The following EYS variants were observed in gnomAD, a reference collection of about 807,000 sequenced individuals.
EYS encodes the protein EGF-like photoreceptor maintenance factor.
In EYS, 250 loss-of-function variants were observed where a neutral mutation model predicts 282.1. The observed-to-expected ratio is 0.89, with a 90% confidence interval of 0.80 to 0.98. The LOEUF (loss-of-function observed/expected upper bound fraction) is 0.98, where lower values mean the gene tolerates loss of function less well. Ranked by LOEUF, EYS falls within the 50% of genes least tolerant of loss-of-function variation. The probability of loss-of-function intolerance (pLI) is 0.00; values close to 1 mark genes in which losing one functional copy is unlikely to be tolerated. For synonymous variants in EYS, 1,355 were observed against 1,282.9 expected, an observed-to-expected ratio of 1.06 and a Z score of -1.20; for missense variants, 4,016 against 3,709.0, an observed-to-expected ratio of 1.08 and a Z score of -2.15.
At chr6:64,151,649 C>T (rs929876757) in intron 31 of EYS, among the ~76,000 whole-genome samples, 6 of 151,762 alleles carry the variant, frequency 4.0e-5, no homozygotes, top group African/African-American at 9.7e-5. Flanking sequence ...CATGAGCCAC[C>T]GCGCCCTGCC....
chr6:63,833,049 T>C (rs935179428), intron 36 of EYS, among the ~76,000 whole-genome samples: 3 of 152,106 alleles, frequency 2.0e-5, no homozygotes, highest in Non-Finnish European at 2.9e-5. Flanking sequence ...ATAAACTAGG[T>C]ATTGATGGGA....
intron 2 of EYS, among the ~76,000 whole-genome samples, chr6:65,615,559 C>G (rs1298674236): frequency 3.3e-5 from 5 of 151,714 alleles, no homozygotes; most frequent in Non-Finnish European, 7.4e-5. Flanking sequence ...TTTCTTGAGA[C>G]CAGATATATA....
intron 35 of EYS, among the ~76,000 whole-genome samples, chr6:63,931,306 TCAC>T (rs1764886640): frequency 1.3e-5 from 1 of 74,826 alleles, no homozygotes; most frequent in East Asian, 3.7e-4. Context: ...TTTCTGTTAC[TCAC>T]TCACTCACTC....
At chr6:64,127,038 T>C (rs1465807675) in intron 31 of EYS, among the ~76,000 whole-genome samples, 1 of 152,190 alleles carries the variant, frequency 6.6e-6, no homozygotes, top group Non-Finnish European at 1.5e-5. Flanking sequence ...TCTGGAAGTA[T>C]TCTTAAATAA....
chr6:63,928,771 C>T (rs1257166011), intron 35 of EYS, among the ~76,000 whole-genome samples: 1 of 152,104 alleles, frequency 6.6e-6, no homozygotes, highest in East Asian at 1.9e-4. Context: ...CATTAGTACA[C>T]TCAGCTTAAT....
At chr6:64,736,419 A>G (rs1772183615) in intron 22 of EYS, among the ~76,000 whole-genome samples, 1 of 152,198 alleles carries the variant, frequency 6.6e-6, no homozygotes, top group Non-Finnish European at 1.5e-5. Context: ...GGTTGAAGAA[A>G]TAACTGAAAT....
At chr6:63,981,242 G>A (rs1010839675) in intron 35 of EYS, among the ~76,000 whole-genome samples, 1 of 151,656 alleles carries the variant, frequency 6.6e-6, no homozygotes, top group Non-Finnish European at 1.5e-5. Flanking sequence ...CTGTAGGGTT[G>A]GGTATTGGTG....
At chr6:64,189,669 C>G (rs190003212) in intron 31 of EYS, among the ~76,000 whole-genome samples, 2 of 152,068 alleles carry the variant, frequency 1.3e-5, no homozygotes, top group East Asian at 3.9e-4. Flanking sequence ...AAGTCAAAGG[C>G]CTTAATAAGA....
chr6:64,954,334 G>A (rs1425895836), intron 14 of EYS, among the ~76,000 whole-genome samples: 1 of 151,592 alleles, frequency 6.6e-6, no homozygotes, highest in Non-Finnish European at 1.5e-5. Flanking sequence ...ATAAACCATG[G>A]GAAAAAATAA....
At chr6:64,729,711 A>T (rs531058033) in intron 22 of EYS, among the ~76,000 whole-genome samples, 19 of 152,310 alleles carry the variant, frequency 1.2e-4, no homozygotes, top group African/African-American at 4.3e-4. Context: ...AAAAACCGCA[A>T]TAACTTTTGC....
At chr6:65,121,421 T>A (rs1202798298) in intron 12 of EYS, among the ~76,000 whole-genome samples, 1 of 152,188 alleles carries the variant, frequency 6.6e-6, no homozygotes, top group Non-Finnish European at 1.5e-5. Flanking sequence ...TTTCATCAAA[T>A]CCTAATTCTG....
Position 64,263,115 on chromosome 6 carries a change from C to T in EYS, c.6192-32291G>A, listed in dbSNP as rs1023978999. On this transcript the variant is annotated intron_variant, in intron 30 of 42. Transcript: ENST00000503581. ...TAGTGCAAATGACATAAGATTGTTACAAGGATAAAGAAGTAATCTGTATTA... is the reference window on the plus strand; with the variant it reads ...TAGTGCAAATGACATAAGATTGTTATAAGGATAAAGAAGTAATCTGTATTA... Among the ~76,000 whole-genome samples, 5 of 151,918 alleles carry T rather than the reference C, an allele frequency of 3.3e-5. No individual in the cohort carries two copies. The East Asian group carries it at 7.8e-4, about 24-fold the overall frequency.
chr6:63,917,819 A>G (rs1764464726), intron 35 of EYS, among the ~76,000 whole-genome samples: 2 of 152,322 alleles, frequency 1.3e-5, no homozygotes, highest in South Asian at 4.1e-4. Context: ...ATTTACTTTA[A>G]TGAGCCTTAT....
chr6:63,840,157 C>T (rs1771916342), intron 36 of EYS, among the ~76,000 whole-genome samples: 1 of 150,794 alleles, frequency 6.6e-6, no homozygotes, highest in Non-Finnish European at 1.5e-5. Context: ...ATGCCATCCT[C>T]CTGCCTCAGC....
intron 28 of EYS, among the ~76,000 whole-genome samples, chr6:64,397,707 A>G (rs1030849355): frequency 1.3e-5 from 2 of 152,046 alleles, no homozygotes; most frequent in South Asian, 2.1e-4. Flanking sequence ...GAAAATTTCA[A>G]AGAACACACT....
chr6:64,891,379 T>C (rs868271732), intron 18 of EYS, among the ~76,000 whole-genome samples: 3 of 152,024 alleles, frequency 2.0e-5, no homozygotes, highest in Non-Finnish European at 2.9e-5. Context: ...CTTCCTCCTT[T>C]CCTCCCTCCA....
At chr6:65,147,927 C>G (rs1764517873) in intron 12 of EYS, among the ~76,000 whole-genome samples, 1 of 151,972 alleles carries the variant, frequency 6.6e-6, no homozygotes, top group African/African-American at 2.4e-5. Flanking sequence ...GGAAAACTAT[C>G]AGATCTCCTG....
At chr6:64,799,416 G>A (rs930522965) in intron 22 of EYS, among the ~76,000 whole-genome samples, 2 of 151,734 alleles carry the variant, frequency 1.3e-5, no homozygotes, top group Non-Finnish European at 3.0e-5. Flanking sequence ...TGTACTTGTA[G>A]TGTGTTGTTC....
At chr6:64,843,734 T>C (rs897290034) in intron 19 of EYS, among the ~76,000 whole-genome samples, 4 of 152,052 alleles carry the variant, frequency 2.6e-5, no homozygotes, top group Admixed American at 6.6e-5. Context: ...GACTTCTGGG[T>C]TAATGCTGAA....
Sources: gnomAD v4.1 joint callset for allele counts (sites outside exome capture counted in the v4.1 genomes callset) on GRCh38, gnomAD v4.1.1 for gene constraint, MANE v1.5 for transcripts, NCBI Gene and HGNC (gene_info 2026-07-23, HGNC 2026-07-21) for gene names.